Variants in DPPA2 observed in about 807,000 individuals in gnomAD.
DPPA2 encodes the protein developmental pluripotency-associated protein 2.
A neutral mutation model predicts 36.2 loss-of-function variants in DPPA2; 26 were observed. That is an observed-to-expected ratio of 0.72 (90% CI 0.53 to 1.00). DPPA2 has a LOEUF of 1.00. DPPA2 is among the 50% of genes least tolerant of loss of function. The pLI, the probability that DPPA2 is intolerant of heterozygous loss-of-function variation, is 0.00. For missense variants in DPPA2, 361 were observed against 365.1 expected, an observed-to-expected ratio of 0.99 and a Z score of 0.09; for synonymous variants, 113 against 123.2, an observed-to-expected ratio of 0.92 and a Z score of 0.55.
rs1235117648 is a variant in DPPA2, at chr3:109,309,319, G to A, written c.193C>T (p.Gln65Ter). The change falls in exon 4 of 9, where the codon CAA becomes TAA. Residue 65 changes from glutamine to a stop codon, truncating the protein, a stop_gained. Coordinates refer to ENST00000478945, the MANE Select transcript of DPPA2 (RefSeq NM_138815.4). LOFTEE classifies it high-confidence loss of function. Reference protein sequence around the residue: ...PKKYNPGHLLQTNEQFTAPQK... With the variant: ...PKKYNPGHLL ...GGAGCTGTAAATTGCTCATTTGTTT[G>A]AAGTAGATGACCTAAGACAAGAATG... 1 of 1,613,996 alleles carries A rather than the reference G, an allele frequency of 6.2e-7. No homozygotes were observed. Among genetic ancestry groups the A allele is most frequent in the Non-Finnish European group, 8.5e-7 (1 of 1,179,928 alleles).
intron 7 of DPPA2, among the ~76,000 whole-genome samples, chr3:109,302,547 G>A (rs543514482): frequency 2.0e-5 from 3 of 152,104 alleles, no homozygotes; most frequent in African/African-American, 7.2e-5. Flanking sequence ...TCCGCCTCCC[G>A]TATTCAAACG....
rs181067076 is a variant in DPPA2, at chr3:109,295,950, C to A, written c.*23-1946G>T. 5.8e-3 allele frequency among the ~76,000 whole-genome samples: 885 copies of A among 152,180 alleles called. 10 individuals are homozygous for A. Among genetic ancestry groups the A allele is most frequent in the Non-Finnish European group, 6.8e-3 (465 of 68,006 alleles). On this transcript the variant is annotated intron_variant, in intron 8 of 8. Transcript: ENST00000478945. ...GACTCATCTATAGCTGGACTGCCAA[C>A]AAAAGAATCAGAGGGCTTAAACAAA...
intron 8 of DPPA2, among the ~76,000 whole-genome samples, chr3:109,299,507 ACT>A (rs1707420422): frequency 6.6e-6 from 1 of 150,918 alleles, no homozygotes; most frequent in Non-Finnish European, 1.5e-5. Flanking sequence ...ACAGAGTGAG[ACT>A]CTGTCTCAAA....
intron 3 of DPPA2, among the ~76,000 whole-genome samples, chr3:109,311,428 A>G (rs1307464974): frequency 6.6e-6 from 1 of 152,130 alleles, no homozygotes; most frequent in Non-Finnish European, 1.5e-5. Context: ...TTGGCCTAGA[A>G]GATAAAATCC....
rs1417008266 is a variant in DPPA2 at position 109,309,055 on chromosome 3, G to A, written c.367C>T (p.His123Tyr). Residue 123 changes from histidine to tyrosine, a missense_variant, in exon 5 of 9, where the codon CAT becomes TAT. Transcript: ENST00000478945. ...GKKIEVYLRL[H>Y]RHAYPEQRQD... ...CGTTGTTCAGGGTAAGCATGCCTAT[G>A]AAGCCTCAGATAAACTTCGATTTTC... 6.2e-7 allele frequency: 1 copy of A among 1,614,036 alleles called. No individual in the cohort carries two copies. Among genetic ancestry groups the A allele is most frequent in the African/African-American group, 1.3e-5 (1 of 74,918 alleles).
chr3:109,306,333 G>A (rs923114046), intron 6 of DPPA2, among the ~76,000 whole-genome samples: 4 of 152,190 alleles, frequency 2.6e-5, no homozygotes, highest in African/African-American at 9.7e-5. Context: ...CAGGCACACA[G>A]CTTTATGGCT....
At chr3:109,314,898 C>A (rs376814879) in intron 1 of DPPA2, among the ~76,000 whole-genome samples, 423 of 152,064 alleles carry the variant, frequency 2.8e-3, no homozygotes, top group African/African-American at 9.7e-3. Context: ...ACCCCCATTT[C>A]TACAAAAAAA....
chr3:109,306,819 C>T (rs996212821), intron 6 of DPPA2, among the ~76,000 whole-genome samples: 45 of 150,606 alleles, frequency 3.0e-4, no homozygotes, highest in African/African-American at 1.1e-3. Flanking sequence ...AAAAAAAATA[C>T]AAAATTAGCC....
At chr3:109,315,101 A>T (rs1340144912) in intron 1 of DPPA2, among the ~76,000 whole-genome samples, 1 of 152,184 alleles carries the variant, frequency 6.6e-6, no homozygotes, top group Non-Finnish European at 1.5e-5. Flanking sequence ...AATAGGTGAA[A>T]CTTGAAAGAA....
intron 6 of DPPA2, among the ~76,000 whole-genome samples, chr3:109,307,634 T>C (rs1576821527): frequency 7.0e-6 from 1 of 143,450 alleles, no homozygotes; most frequent in South Asian, 2.2e-4. Context: ...AAGAACAGGA[T>C]ACTAAGGCTT....
intron 7 of DPPA2, among the ~76,000 whole-genome samples, chr3:109,302,427 C>A (rs1707470704): frequency 6.6e-6 from 1 of 152,078 alleles, no homozygotes; most frequent in Admixed American, 6.6e-5. Flanking sequence ...TTTATACTCC[C>A]ATCTAAGATT....
In DPPA2 at chr3:109,309,327, T is replaced by C. The variant is rs1707652493; in HGVS notation, c.185A>G (p.His62Arg). 1 of 1,613,872 alleles carries C rather than the reference T, an allele frequency of 6.2e-7. No homozygotes were observed. The highest frequency in any genetic ancestry group is 1.7e-5 in the Admixed American group (1 of 59,976). Residue 62 changes from histidine to arginine, a missense_variant, in exon 4 of 9, where the codon CAT (histidine) becomes CGT (arginine). His to Arg is a conservative substitution (Grantham distance 29, BLOSUM62 0). Coordinates refer to ENST00000478945, the MANE Select transcript of DPPA2 (RefSeq NM_138815.4). The stretch of plus-strand genomic sequence containing the variant: ...AAATTGCTCATTTGTTTGAAGTAGA[T>C]GACCTAAGACAAGAATGGAACCAAA... ...LEKPKKYNPG[H>R]LLQTNEQFTA...
intron 2 of DPPA2, 70 bp from the exon 3 acceptor site, chr3:109,312,762 A>C: frequency 6.4e-7 from 1 of 1,569,742 alleles, no homozygotes; most frequent in South Asian, 1.2e-5. Context: ...TTCAAGGCAA[A>C]AGTCATGAAT....
At chr3:109,303,994 G>A (rs918372569) in intron 7 of DPPA2, among the ~76,000 whole-genome samples, 4 of 151,722 alleles carry the variant, frequency 2.6e-5, no homozygotes, top group Middle Eastern at 3.2e-3. Flanking sequence ...GAAATTAGCC[G>A]GGCACGGTGG....
intron 3 of DPPA2, among the ~76,000 whole-genome samples, chr3:109,310,282 A>G (rs1707678624): frequency 6.8e-6 from 1 of 147,972 alleles, no homozygotes; most frequent in African/African-American, 2.5e-5. Context: ...CACACCTGCA[A>G]TCCCAGCTCC....
At chr3:109,306,321 C>G (rs892833049) in intron 6 of DPPA2, among the ~76,000 whole-genome samples, 1 of 152,118 alleles carries the variant, frequency 6.6e-6, no homozygotes, top group African/African-American at 2.4e-5. Flanking sequence ...AGGCAGTGCC[C>G]CCAGGCACAC....
chr3:109,298,780 G>A (rs1478673474), intron 8 of DPPA2, among the ~76,000 whole-genome samples: 1 of 151,492 alleles, frequency 6.6e-6, no homozygotes, highest in Non-Finnish European at 1.5e-5. Flanking sequence ...TGTAATCCCT[G>A]CACTTTGGAA....
Position 109,309,074 on chromosome 3 carries a change from G to T in DPPA2, c.348C>A (p.Ile116=), listed in dbSNP as rs749652172. ...QLGLSTNGKK[I]EVYLRLHRHA... is the part of the protein sequence containing the mutation. ...GCCTATGAAGCCTCAGATAAACTTC[G>T]ATTTTCTTAGGAAATGAAGAGAGAG... Residue 116 remains isoleucine, a synonymous_variant, in exon 5 of 9, where the codon ATC becomes ATA. Transcript: ENST00000478945. 4.3e-6 allele frequency: 7 copies of T among 1,614,076 alleles called. No individual in the cohort carries two copies. Among genetic ancestry groups the T allele is most frequent in the Non-Finnish European group, 5.9e-6 (7 of 1,180,024 alleles).
At chr3:109,306,708 G>A (rs1330523408) in intron 6 of DPPA2, among the ~76,000 whole-genome samples, 4 of 151,640 alleles carry the variant, frequency 2.6e-5, no homozygotes, top group Non-Finnish European at 5.9e-5. Flanking sequence ...GCTCACGCCT[G>A]TAATCCCAGC....
Sources: allele counts gnomAD v4.1 joint callset (sites outside exome capture counted in the v4.1 genomes callset), GRCh38; gene constraint gnomAD v4.1.1; transcripts MANE v1.5; gene names NCBI Gene and HGNC (gene_info 2026-07-23, HGNC 2026-07-21).